APBB1IP: variants seen among roughly 807,000 people sequenced by gnomAD.
APBB1IP encodes the protein amyloid beta A4 precursor protein-binding family B member 1-interacting protein.
Under a neutral mutation model 64.9 loss-of-function variants are expected in APBB1IP, and 27 were observed. That is an observed-to-expected ratio of 0.42 (90% confidence interval 0.31 to 0.57). The LOEUF (loss-of-function observed/expected upper bound fraction) is 0.57, where lower values mean the gene tolerates loss of function less well. Ranked by LOEUF, APBB1IP falls within the 20% of genes least tolerant of loss-of-function variation. APBB1IP has a pLI of 0.20. For missense variants in APBB1IP, 812 were observed against 845.5 expected, an observed-to-expected ratio of 0.96 and a Z score of 0.49; for synonymous variants, 392 against 331.0, an observed-to-expected ratio of 1.18 and a Z score of -2.00.
intron 8 of APBB1IP, among the ~76,000 whole-genome samples, chr10:26,522,421 T>C (rs562943035): frequency 1.2e-4 from 19 of 152,372 alleles, no homozygotes; most frequent in Admixed American, 2.0e-4. Flanking sequence ...CTTTTGGTGA[T>C]GTACAGTAAG....
intron 6 of APBB1IP, among the ~76,000 whole-genome samples, chr10:26,511,322 C>T (rs188835896): frequency 9.2e-5 from 14 of 152,142 alleles, no homozygotes; most frequent in Admixed American, 1.3e-4. Context: ...CCAGCCTGGG[C>T]GACAGAGCAA....
intron 10 of APBB1IP, among the ~76,000 whole-genome samples, chr10:26,539,965 C>T (rs1836677196): frequency 6.6e-6 from 1 of 152,118 alleles, no homozygotes; most frequent in Non-Finnish European, 1.5e-5. Flanking sequence ...AAAAGAGACA[C>T]TCACGCCTGG....
At chr10:26,545,616 C>T (rs1033052895) in intron 11 of APBB1IP, among the ~76,000 whole-genome samples, 4 of 151,996 alleles carry the variant, frequency 2.6e-5, no homozygotes, top group Non-Finnish European at 5.9e-5. Context: ...AAAAATTAGC[C>T]GGGCGTGGTA....
intron 11 of APBB1IP, among the ~76,000 whole-genome samples, chr10:26,547,193 T>A (rs1836776699): frequency 6.6e-6 from 1 of 152,248 alleles, no homozygotes; most frequent in Admixed American, 6.5e-5. Flanking sequence ...GTGTATGTCT[T>A]CTGTGGTGAA....
intron 8 of APBB1IP, among the ~76,000 whole-genome samples, chr10:26,521,480 G>A (rs919867454): frequency 1.3e-5 from 2 of 152,118 alleles, no homozygotes; most frequent in Admixed American, 6.5e-5. Flanking sequence ...CTTGGTCCCA[G>A]CCCTCCCTTG....
chr10:26,501,301 G>T, intron 5 of APBB1IP, 190 bp downstream of exon 5: 2 of 690,486 alleles, frequency 2.9e-6, no homozygotes, highest in East Asian at 5.5e-5. Context: ...TGTGTATCAA[G>T]AATGTATTAG....
chr10:26,523,813 T>A (rs929318622), intron 8 of APBB1IP, among the ~76,000 whole-genome samples: 4 of 150,252 alleles, frequency 2.7e-5, no homozygotes, highest in Non-Finnish European at 4.4e-5. Flanking sequence ...TAAAAAAAAA[T>A]AAAATATAAA....
intron 2 of APBB1IP, among the ~76,000 whole-genome samples, chr10:26,463,856 C>T (rs986288296): frequency 2.2e-4 from 34 of 152,184 alleles, no homozygotes; most frequent in African/African-American, 7.2e-4. Flanking sequence ...TTAAGCCCCA[C>T]ATGCATTAGG....
intron 8 of APBB1IP, among the ~76,000 whole-genome samples, chr10:26,525,523 T>C (rs702988): frequency 0.87 from 132,286 of 152,066 alleles, 57,615 homozygotes; most frequent in East Asian, 0.95. Flanking sequence ...GCACAGGGGA[T>C]GTGGTCTCTT....
chr10:26,510,734 TCACACACACA>T (rs1554776713), intron 6 of APBB1IP, among the ~76,000 whole-genome samples: 25 of 135,984 alleles, frequency 1.8e-4, no homozygotes, highest in East Asian at 6.6e-4. Context: ...AGACCCTGTC[TCACACACACA>T]CACACACACA....
At chr10:26,517,319 G>C (rs149218807) in intron 8 of APBB1IP, among the ~76,000 whole-genome samples, 1 of 152,172 alleles carries the variant, frequency 6.6e-6, no homozygotes, top group Non-Finnish European at 1.5e-5. Flanking sequence ...GAGTTGCAGC[G>C]GCCTTCCTCC....
chr10:26,468,759 C>G lies in APBB1IP; in HGVS notation c.1-23568C>G, dbSNP rs186745717. On this transcript the variant is annotated intron_variant, in intron 2 of 14. Coordinates refer to ENST00000376236, the MANE Select transcript of APBB1IP (RefSeq NM_019043.4). ...TCTCTGCAAGCCCAGCTCATCGGCT[C>G]TTTCTGGCTTGTTCCTGCTCCTGTT... Among the ~76,000 whole-genome samples, 12 of 152,342 alleles carry G rather than the reference C, an allele frequency of 7.9e-5. No homozygotes were observed. In the East Asian group the frequency reaches 2.1e-3, roughly 27 times the overall value.
chr10:26,493,120 G>A (rs966817634), intron 3 of APBB1IP, among the ~76,000 whole-genome samples: 13 of 152,172 alleles, frequency 8.5e-5, no homozygotes, highest in African/African-American at 2.9e-4. Context: ...ACCCGTTTTC[G>A]GTAATAAGAG....
intron 8 of APBB1IP, among the ~76,000 whole-genome samples, chr10:26,518,082 A>G (rs114319573): frequency 6.6e-6 from 1 of 151,656 alleles, no homozygotes; most frequent in African/African-American, 2.4e-5. Context: ...AGCCTCCTGC[A>G]CAGCTGGGAT....
chr10:26,496,472 CTAAAT>C, intron 4 of APBB1IP, 81 bp downstream of exon 4: 1 of 1,183,770 alleles, frequency 8.4e-7, no homozygotes, highest in Non-Finnish European at 1.2e-6. Flanking sequence ...AATTTGAAAA[CTAAAT>C]TAAAGGAACC....
intron 8 of APBB1IP, among the ~76,000 whole-genome samples, chr10:26,526,027 G>A (rs1227455472): frequency 3.9e-5 from 6 of 152,192 alleles, no homozygotes; most frequent in Admixed American, 1.3e-4. Context: ...CTGCTTCAGA[G>A]AAGGACAGGA....
chr10:26,490,296 T>C (rs1835938875), intron 2 of APBB1IP, among the ~76,000 whole-genome samples: 1 of 152,146 alleles, frequency 6.6e-6, no homozygotes, highest in Non-Finnish European at 1.5e-5. Flanking sequence ...AATACACACA[T>C]GAAGAGATAA....
chr10:26,530,299 G>A (rs1417533723), intron 8 of APBB1IP, among the ~76,000 whole-genome samples: 3 of 149,192 alleles, frequency 2.0e-5, no homozygotes, highest in Non-Finnish European at 4.4e-5. Flanking sequence ...CTGGGCTCAA[G>A]TGATCTTCCT....
intron 8 of APBB1IP, among the ~76,000 whole-genome samples, chr10:26,524,284 A>T (rs1424482524): frequency 6.6e-6 from 1 of 152,172 alleles, no homozygotes; most frequent in East Asian, 1.9e-4. Context: ...GGGGGTAAAG[A>T]GTGTCACACA....
Sources: gnomAD v4.1 joint callset for allele counts (sites outside exome capture counted in the v4.1 genomes callset) on GRCh38, gnomAD v4.1.1 for gene constraint, MANE v1.5 for transcripts, NCBI Gene and HGNC (gene_info 2026-07-23, HGNC 2026-07-21) for gene names.